Variants in DMD observed in about 807,000 individuals in gnomAD.
The protein encoded by DMD is dystrophin.
A neutral mutation model predicts 330.1 loss-of-function variants in DMD; 63 were observed. That is an observed-to-expected ratio of 0.19 (90% CI 0.16 to 0.24). The LOEUF is 0.24. Among genes scored for constraint, DMD ranks in the 10% least tolerant of loss-of-function variants. The probability of loss-of-function intolerance (pLI) is 1.00; values close to 1 mark genes in which losing one functional copy is unlikely to be tolerated. For missense variants in DMD, 3,344 were observed against 2,684.1 expected (o/e 1.25, Z -5.43); for synonymous variants, 1,223 against 959.8 (o/e 1.27, Z -5.07).
At chrX:32,918,279 G>A (rs2088042967) in intron 2 of DMD, among the ~76,000 whole-genome samples, 1 of 111,716 alleles carries the variant, frequency 9.0e-6, no homozygotes, top group Admixed American at 9.6e-5. Flanking sequence ...GTGCATTGAA[G>A]ATAAAACTGA....
chrX:32,860,398 TAAGA>T (rs765314756), intron 2 of DMD, among the ~76,000 whole-genome samples: 9 of 111,871 alleles, frequency 8.0e-5, no homozygotes, highest in Non-Finnish European at 1.7e-4. Flanking sequence ...TAACTGTCGC[TAAGA>T]AAGTCAAGAT....
chrX:31,792,682 C>G (rs2091630965), intron 50 of DMD, among the ~76,000 whole-genome samples: 1 of 111,998 alleles, frequency 8.9e-6, no homozygotes, highest in Admixed American at 9.5e-5. Flanking sequence ...CAACTCCTCA[C>G]TGGAGGGAGT....
chrX:32,295,373 A>G (rs10521991), intron 42 of DMD, among the ~76,000 whole-genome samples: 13,968 of 111,815 alleles, frequency 0.12, 875 homozygotes, highest in Admixed American at 0.25. Context: ...CAACCGGCAG[A>G]TGAAATCCAG....
rs1303093417 is a variant in DMD, at chrX:32,041,920, G to A, written c.6439-73406C>T. Among the ~76,000 whole-genome samples, 5 of 103,850 alleles carry A rather than the reference G, an allele frequency of 4.8e-5. No homozygotes were observed. In the Admixed American group the frequency reaches 5.3e-4, roughly 11 times the overall value. 90.2% of individuals were successfully genotyped at this position (103,850 alleles called of 115,157 possible). ...GGGGGTATGATAGGAGAGTGTTGAC[G>A]AACCTGTACTTGGAGCTAGTTTTAT... is the stretch of plus-strand genomic sequence containing the variant. On this transcript the variant is annotated intron_variant, in intron 44 of 78. Transcript: ENST00000357033.
intron 43 of DMD, among the ~76,000 whole-genome samples, chrX:32,244,280 G>T (rs1440485693): frequency 9.5e-6 from 1 of 104,805 alleles, no homozygotes; most frequent in Non-Finnish European, 2.0e-5. Context: ...TCCCTACAAA[G>T]GACATGAACT....
At chrX:32,389,077 C>T (rs1350764819) in intron 32 of DMD, among the ~76,000 whole-genome samples, 1 of 111,296 alleles carries the variant, frequency 9.0e-6, no homozygotes, top group Non-Finnish European at 1.9e-5. Context: ...GCTGTTTGTC[C>T]TTAAATTCTC....
intron 1 of DMD, among the ~76,000 whole-genome samples, chrX:33,333,337 G>A (rs922221603): frequency 1.8e-5 from 2 of 111,154 alleles, no homozygotes; most frequent in East Asian, 5.6e-4. Context: ...GCTCCCCCAC[G>A]ACAACTTTTT....
chrX:31,702,959 A>G, intron 52 of DMD, among the ~76,000 whole-genome samples: 1 of 105,405 alleles, frequency 9.5e-6, no homozygotes, highest in African/African-American at 3.5e-5. Context: ...GGTTCAAGCT[A>G]TTCTCCTGCC....
At chrX:33,162,966 T>C (rs1164749070) in intron 1 of DMD, among the ~76,000 whole-genome samples, 1 of 111,540 alleles carries the variant, frequency 9.0e-6, no homozygotes, top group African/African-American at 3.3e-5. Flanking sequence ...AACTATTGAC[T>C]GAAGTTTGAC....
At chrX:33,179,304 T>C (rs181222558) in intron 1 of DMD, among the ~76,000 whole-genome samples, 231 of 111,960 alleles carry the variant, frequency 2.1e-3, no homozygotes, top group African/African-American at 7.2e-3. Context: ...TACTGAAATA[T>C]AAAATTGAAT....
intron 76 of DMD, among the ~76,000 whole-genome samples, chrX:31,142,586 C>A (rs771551315): frequency 8.9e-6 from 1 of 111,999 alleles, no homozygotes; most frequent in Non-Finnish European, 1.9e-5. Context: ...ATGTCATAAA[C>A]CTCAAATGTA....
chrX:32,793,272 C>T lies in DMD; in HGVS notation c.649+16221G>A, dbSNP rs759618805. The stretch of plus-strand genomic sequence containing the variant: ...GAATATCAAAATATAATAACACCTA[C>T]GGGATATGGCAAAAGCAGTGCTAAG... On this transcript the variant is annotated intron_variant, in intron 7 of 78. Coordinates refer to ENST00000357033, the MANE Select transcript of DMD (RefSeq NM_004006.3). Among the ~76,000 whole-genome samples the T allele has an allele frequency of 4.3e-4, 48 of 110,648 alleles. No individual in the cohort carries two copies. The South Asian group carries it at 0.016, about 37-fold the overall frequency.
chrX:32,829,771 A>T (rs2079018410), intron 4 of DMD, among the ~76,000 whole-genome samples: 1 of 111,672 alleles, frequency 9.0e-6, no homozygotes, highest in Admixed American at 9.6e-5. Context: ...GTTCATGAAC[A>T]TTTTACATTT....
At chrX:32,205,043 C>CCCCA (rs2097061125) in intron 44 of DMD, among the ~76,000 whole-genome samples, 11 of 33,498 alleles carry the variant, frequency 3.3e-4, no homozygotes, top group African/African-American at 8.7e-4. Context: ...ACACACACAC[C>CCCCA]CACACACACA....
intron 52 of DMD, among the ~76,000 whole-genome samples, chrX:31,728,165 GGCGCCC>G (rs2086212542): frequency 8.9e-6 from 1 of 111,857 alleles, no homozygotes; most frequent in African/African-American, 3.2e-5. Context: ...TGGGACTACA[GGCGCCC>G]GCCACCACGC....
At chrX:33,163,522 T>C (rs1265059656) in intron 1 of DMD, among the ~76,000 whole-genome samples, 2 of 103,908 alleles carry the variant, frequency 1.9e-5, no homozygotes, top group Non-Finnish European at 3.9e-5. Flanking sequence ...GGCAACAGAG[T>C]GAGACTCCAT....
At chrX:32,698,157 G>A (rs754016531) in intron 8 of DMD, among the ~76,000 whole-genome samples, 159 bp from the exon 9 acceptor site, 2 of 111,055 alleles carry the variant, frequency 1.8e-5, no homozygotes, top group South Asian at 3.8e-4. Context: ...ATTCGAAATT[G>A]GTATACTCCC....
intron 1 of DMD, among the ~76,000 whole-genome samples, chrX:33,176,904 T>C (rs753079304): frequency 1.8e-5 from 2 of 111,594 alleles, no homozygotes; most frequent in Non-Finnish European, 3.8e-5. Flanking sequence ...GCCATTGCAC[T>C]GCGGCCTGGG....
intron 7 of DMD, among the ~76,000 whole-genome samples, chrX:32,707,692 T>G (rs755798925): frequency 8.9e-6 from 1 of 111,996 alleles, no homozygotes; most frequent in African/African-American, 3.2e-5. Context: ...GAAAAATACA[T>G]CCTTGACTAT....
Sources: allele counts gnomAD v4.1 joint callset (sites outside exome capture counted in the v4.1 genomes callset), GRCh38; gene constraint gnomAD v4.1.1; transcripts MANE v1.5; gene names NCBI Gene and HGNC (gene_info 2026-07-23, HGNC 2026-07-21).